GRM1: variants seen among roughly 807,000 people sequenced by gnomAD.
GRM1 encodes metabotropic glutamate receptor 1.
In GRM1, 33 loss-of-function variants were observed where a neutral mutation model predicts 90.9. The ratio of observed to expected loss-of-function variants is 0.36; its 90% CI spans 0.28 to 0.49. The LOEUF (loss-of-function observed/expected upper bound fraction) is 0.49. Ranked by LOEUF, GRM1 falls within the 20% of genes least tolerant of loss-of-function variation. The pLI is 0.99. For missense variants in GRM1, 1,190 were observed against 1,534.3 expected (o/e 0.78, Z 3.75); for synonymous variants, 700 against 613.2 (o/e 1.14, Z -2.09).
chr6:146,265,328 C>A lies in GRM1; in HGVS notation c.951-39283C>A, dbSNP rs149240498. Reference sequence around the variant, plus strand: ...TATTTGTTGGCCACTTGTACATCTTCTTTTGAGGAATGTCTGTTCATGTCC... The same window carrying A: ...TATTTGTTGGCCACTTGTACATCTTATTTTGAGGAATGTCTGTTCATGTCC... On this transcript the variant is annotated intron_variant, in intron 2 of 7. Transcript: ENST00000282753. 9.3e-4 allele frequency among the ~76,000 whole-genome samples: 141 copies of A among 152,276 alleles called. 1 individual carries two copies. Among genetic ancestry groups the A allele is most frequent in the African/African-American group, 3.1e-3 (129 of 41,554 alleles).
intron 6 of GRM1, among the ~76,000 whole-genome samples, chr6:146,397,156 G>C (rs1776970276): frequency 6.6e-6 from 1 of 152,088 alleles, no homozygotes; most frequent in South Asian, 2.1e-4. Flanking sequence ...TATGAAACAT[G>C]GTGAGACTAA....
intron 2 of GRM1, among the ~76,000 whole-genome samples, chr6:146,184,951 T>C (rs1778676220): frequency 6.6e-6 from 1 of 152,224 alleles, no homozygotes; most frequent in Non-Finnish European, 1.5e-5. Context: ...AATAGTACCA[T>C]GTGTGCTGAA....
intron 1 of GRM1, among the ~76,000 whole-genome samples, chr6:146,067,251 T>A (rs1775879410): frequency 6.6e-6 from 1 of 152,238 alleles, no homozygotes; most frequent in Admixed American, 6.5e-5. Flanking sequence ...GAGTAGCACA[T>A]GAATTAGAAA....
At chr6:146,414,433 T>C (rs1777693643) in intron 7 of GRM1, among the ~76,000 whole-genome samples, 1 of 151,600 alleles carries the variant, frequency 6.6e-6, no homozygotes, top group African/African-American at 2.4e-5. Context: ...AGATGGAGTC[T>C]CACACTGTCG....
chr6:146,264,637 A>G (rs1022387854), intron 2 of GRM1, among the ~76,000 whole-genome samples: 8 of 152,076 alleles, frequency 5.3e-5, no homozygotes, highest in African/African-American at 1.9e-4. Flanking sequence ...CCATCATCCA[A>G]ATAGTGAACA....
At position 146,429,944 on chromosome 6, in the gene GRM1, A is replaced by G. The variant is rs76019864; in HGVS notation, c.2661-3928A>G. On this transcript the variant is annotated intron_variant, in intron 7 of 7. Transcript: ENST00000282753. The stretch of plus-strand genomic sequence containing the variant: ...CTAGAGGCAAAGACTTGATTTGGAC[A>G]TAAGAGAGACAGGTGTTGTGTAAGC... Among the ~76,000 whole-genome samples, 589 of 152,294 alleles carry G rather than the reference A, an allele frequency of 3.9e-3. 14 individuals are homozygous for G. The East Asian group carries it at 0.071, about 18-fold the overall frequency.
chr6:146,335,310 TTTCAGTCTCTCTACA>T (rs1388293460), intron 3 of GRM1, among the ~76,000 whole-genome samples: 1 of 152,170 alleles, frequency 6.6e-6, no homozygotes, highest in Non-Finnish European at 1.5e-5. Flanking sequence ...TAACGCATTG[TTTCAGTCTCTCTACA>T]TAGACTGAAA....
intron 3 of GRM1, among the ~76,000 whole-genome samples, chr6:146,317,577 T>C (rs1784020816): frequency 6.6e-6 from 1 of 152,208 alleles, no homozygotes. Context: ...AGATATACTG[T>C]GACAAGAAAT....
At chr6:146,257,114 G>C (rs1781507094) in intron 2 of GRM1, among the ~76,000 whole-genome samples, 1 of 152,046 alleles carries the variant, frequency 6.6e-6, no homozygotes, top group Non-Finnish European at 1.5e-5. Context: ...TTTCAGTAAA[G>C]GCCTTCTCTA....
chr6:146,304,966 C>T (rs1783523608), intron 3 of GRM1, 120 bp downstream of exon 3: 3 of 757,846 alleles, frequency 4.0e-6, no homozygotes, highest in South Asian at 1.5e-5. Context: ...AAATTGCCAT[C>T]TGTGTTTATA....
chr6:146,389,989 C>T (rs1776658306), intron 6 of GRM1, among the ~76,000 whole-genome samples: 1 of 151,910 alleles, frequency 6.6e-6, no homozygotes, highest in South Asian at 2.1e-4. Flanking sequence ...ATGAGAAAAC[C>T]TATGAGAACA....
intron 1 of GRM1, among the ~76,000 whole-genome samples, chr6:146,090,522 C>T (rs1269858443): frequency 3.9e-5 from 6 of 152,056 alleles, no homozygotes; most frequent in East Asian, 1.9e-4. Context: ...CACTAAAATG[C>T]GGCCTACATT....
chr6:146,196,994 C>A (rs1282768267), intron 2 of GRM1, among the ~76,000 whole-genome samples: 2 of 151,236 alleles, frequency 1.3e-5, no homozygotes, highest in Non-Finnish European at 3.0e-5. Flanking sequence ...GGAAATTGGA[C>A]CTACACCCAT....
At chr6:146,344,465 G>T (rs1220599443) in intron 3 of GRM1, among the ~76,000 whole-genome samples, 1 of 152,134 alleles carries the variant, frequency 6.6e-6, no homozygotes, top group African/African-American at 2.4e-5. Flanking sequence ...TTTGCATTAA[G>T]TCTGGACCCT....
chr6:146,125,976 T>C (rs937035942), intron 1 of GRM1, among the ~76,000 whole-genome samples: 11 of 152,164 alleles, frequency 7.2e-5, no homozygotes, highest in African/African-American at 2.7e-4. Flanking sequence ...TTGTTTTTAA[T>C]CTGTTTTTTA....
At position 146,400,700 on chromosome 6, in the gene GRM1, C is replaced by T. The variant is rs112414040; in HGVS notation, c.2660+1001C>T. Among the ~76,000 whole-genome samples, 5 of 152,016 alleles carry T rather than the reference C, an allele frequency of 3.3e-5. 1 individual carries two copies. Among genetic ancestry groups the T allele is most frequent in the African/African-American group, 1.2e-4 (5 of 41,478 alleles). ...GGATGCTTGAAGTTCTAAAGGTAAC[C>T]GAAGTATCCAAAGATTAAGTCATTT... is the stretch of plus-strand genomic sequence containing the variant. On this transcript the variant is annotated intron_variant, in intron 7 of 7. Coordinates refer to ENST00000282753, the MANE Select transcript of GRM1 (RefSeq NM_001278064.2).
intron 2 of GRM1, among the ~76,000 whole-genome samples, chr6:146,255,801 AT>A (rs1177885340): frequency 6.6e-6 from 1 of 152,046 alleles, no homozygotes; most frequent in Non-Finnish European, 1.5e-5. Context: ...CACACGCTAC[AT>A]TTTTTTAAAG....
intron 1 of GRM1, among the ~76,000 whole-genome samples, chr6:146,122,839 CT>C (rs57859188): frequency 0.017 from 1,070 of 62,222 alleles, 11 homozygotes; most frequent in African/African-American, 0.05. Flanking sequence ...TCTTTTCTTT[CT>C]TTTTTTTTTT....
chr6:146,410,458 A>G (rs1008400102), intron 7 of GRM1, among the ~76,000 whole-genome samples: 1 of 152,220 alleles, frequency 6.6e-6, no homozygotes. Context: ...TAATAGAATA[A>G]AAAAAGAAAA....
Sources: allele counts gnomAD v4.1 joint callset (sites outside exome capture counted in the v4.1 genomes callset), GRCh38; gene constraint gnomAD v4.1.1; transcripts MANE v1.5; gene names NCBI Gene and HGNC (gene_info 2026-07-23, HGNC 2026-07-21).